The following FAM78A variants were observed in gnomAD, a reference collection of about 807,000 sequenced individuals.
FAM78A encodes the protein family with sequence similarity 78 member A.
Under a neutral mutation model 22.6 loss-of-function variants are expected in FAM78A, and 12 were observed. The observed-to-expected ratio is 0.53, with a 90% confidence interval of 0.34 to 0.86. FAM78A has a LOEUF of 0.86. FAM78A is among the 40% of genes least tolerant of loss of function. FAM78A has a pLI of 0.02. For missense variants in FAM78A, 322 were observed against 396.1 expected (o/e 0.81, Z 1.59); for synonymous variants, 151 against 155.8 (o/e 0.97, Z 0.23).
chr9:131,259,719 G>A lies in FAM78A; in HGVS notation c.*1103C>T, dbSNP rs922999112. The A allele has an allele frequency of 3.3e-5, 5 of 152,782 alleles. No homozygotes were observed. The highest frequency in any genetic ancestry group is 1.2e-4 in the African/African-American group (5 of 41,594). 9.5% of individuals were successfully genotyped at this position (152,782 alleles called of 1,614,324 possible). ...AGTCTTAAAATGCCCTGCAAGAAGG[G>A]ACGTGAATGCCTTCCTTACCTTTGA... On this transcript the variant is annotated 3_prime_UTR_variant, in exon 2 of 2. Coordinates refer to ENST00000372271, the MANE Select transcript of FAM78A (RefSeq NM_033387.4).
At position 131,276,352 on chromosome 9, in the gene FAM78A, C is replaced by T; in HGVS notation, c.-173G>A. 1.8e-6 allele frequency: 1 copy of T among 547,144 alleles called. No homozygotes were observed. Among genetic ancestry groups the T allele is most frequent in the East Asian group, 3.0e-5 (1 of 33,792 alleles). 33.9% of individuals were successfully genotyped at this position (547,144 alleles called of 1,614,324 possible). On this transcript the variant is annotated 5_prime_UTR_variant, in exon 1 of 2. Transcript: ENST00000372271. This position sits in a 1 kb window ranked among gnomAD's most constrained non-coding sequence, Gnocchi z 4.3. ...TGCTGCATTTCATGAGCCCTGGGCT[C>T]TCTCTTCTTCTCCTCGCAGTGGACA...
At chr9:131,266,242 G>A (rs57793559) in intron 1 of FAM78A, among the ~76,000 whole-genome samples, 56,985 of 151,902 alleles carry the variant, frequency 0.38, 11,413 homozygotes, top group East Asian at 0.71. Context: ...ACACAAATCC[G>A]ATGGCATGGC....
upstream of FAM78A, among the ~76,000 whole-genome samples, chr9:131,278,410 G>T (rs1835511542): frequency 6.6e-6 from 1 of 152,170 alleles, no homozygotes; most frequent in Non-Finnish European, 1.5e-5. Flanking sequence ...CAGCGCGGGG[G>T]CTTTGTAGGC....
chr9:131,276,150 A>G lies in FAM78A; in HGVS notation c.30T>C (p.Pro10=), dbSNP rs1564240176. Residue 10 remains proline, a synonymous_variant, in exon 1 of 2, where the codon CCT becomes CCC. Coordinates refer to ENST00000372271, the MANE Select transcript of FAM78A (RefSeq NM_033387.4). This position sits in a 1 kb window ranked among gnomAD's most constrained non-coding sequence, Gnocchi z 4.3. MPGFFCDCW[P]SLEIRALLYA... Reference sequence around the variant, plus strand: ...ACAGGAGCGCTCTGATCTCCAGGGAAGGCCAGCAGTCACAGAAAAAACCAG... The same window carrying G: ...ACAGGAGCGCTCTGATCTCCAGGGAGGGCCAGCAGTCACAGAAAAAACCAG... The G allele has an allele frequency of 6.2e-7, 1 of 1,612,866 alleles. No individual in the cohort carries two copies. Among genetic ancestry groups the G allele is most frequent in the East Asian group, 2.2e-5 (1 of 44,864 alleles).
At position 131,267,774 on chromosome 9, in the gene FAM78A, G is replaced by A. The variant is rs113367149; in HGVS notation, c.324-6424C>T. The stretch of plus-strand genomic sequence containing the variant: ...AGACTTGAGGCTCCAGGCCGGGCGC[G>A]GTGGCTCACGCCTGTAATCCCAGCA... On this transcript the variant is annotated intron_variant, in intron 1 of 1. Transcript: ENST00000372271. 6.7e-5 allele frequency among the ~76,000 whole-genome samples: 10 copies of A among 149,748 alleles called. 1 individual carries two copies. Among genetic ancestry groups the A allele is most frequent in the African/African-American group, 2.5e-5 (1 of 40,614 alleles).
In FAM78A at chr9:131,276,237, C is replaced by G; in HGVS notation, c.-58G>C. The stretch of plus-strand genomic sequence containing the variant: ...ACGGCGCTGCTCTCCAATCTCAACT[C>G]TCAAGACCGATATCCATAGGATAGA... On this transcript the variant is annotated 5_prime_UTR_variant, in exon 1 of 2. Transcript: ENST00000372271. This position sits in a 1 kb window ranked among gnomAD's most constrained non-coding sequence, Gnocchi z 4.3. The G allele has an allele frequency of 7.0e-7, 1 of 1,423,118 alleles. No homozygotes were observed. Among genetic ancestry groups the G allele is most frequent in the South Asian group, 1.3e-5 (1 of 77,820 alleles). 88.2% of individuals were successfully genotyped at this position (1,423,118 alleles called of 1,614,324 possible).
At chr9:131,267,360 C>A (rs989065296) in intron 1 of FAM78A, among the ~76,000 whole-genome samples, 4 of 152,122 alleles carry the variant, frequency 2.6e-5, no homozygotes, top group Non-Finnish European at 5.9e-5. Flanking sequence ...AAGAGACCCT[C>A]GCCTGTACGA....
chr9:131,264,578 A>T (rs771774445), intron 1 of FAM78A: 41 of 716,974 alleles, frequency 5.7e-5, no homozygotes, highest in Non-Finnish European at 1.0e-4. Context: ...ATGTACTGAT[A>T]CTCACTGCCT....
Position 131,276,251 on chromosome 9 carries a change from C to A in FAM78A, c.-72G>T. The A allele has an allele frequency of 7.6e-7, 1 of 1,319,238 alleles. No individual in the cohort carries two copies. The highest frequency in any genetic ancestry group is 1.4e-5 in the South Asian group (1 of 71,878). 81.7% of individuals were successfully genotyped at this position (1,319,238 alleles called of 1,614,324 possible). Reference sequence around the variant, plus strand: ...CAATCTCAACTCTCAAGACCGATATCCATAGGATAGAAAACTCACTGAGTA... The same window carrying A: ...CAATCTCAACTCTCAAGACCGATATACATAGGATAGAAAACTCACTGAGTA... On this transcript the variant is annotated 5_prime_UTR_variant, in exon 1 of 2. Coordinates refer to ENST00000372271, the MANE Select transcript of FAM78A (RefSeq NM_033387.4). This position sits in a 1 kb window ranked among gnomAD's most constrained non-coding sequence, Gnocchi z 4.3.
rs1056205422 is a variant in FAM78A, at chr9:131,275,472, G to A, written c.323+385C>T. Among the ~76,000 whole-genome samples the A allele has an allele frequency of 6.6e-6, 1 of 152,244 alleles. No individual in the cohort carries two copies. Among genetic ancestry groups the A allele is most frequent in the Non-Finnish European group, 1.5e-5 (1 of 68,040 alleles). ...TGCCATGGGCCCGCACAGGGCCAGAGGCCTGGAGGGCAGCCCTGCAGCCTC... is the reference window on the plus strand; with the variant it reads ...TGCCATGGGCCCGCACAGGGCCAGAAGCCTGGAGGGCAGCCCTGCAGCCTC... On this transcript the variant is annotated intron_variant, in intron 1 of 1. Transcript: ENST00000372271. The surrounding 1 kb of genome is among the most constrained non-coding windows in gnomAD (Gnocchi z 4.6).
At chr9:131,278,136 T>C (rs1406599220), upstream of FAM78A, among the ~76,000 whole-genome samples, 3 of 139,812 alleles carry the variant, frequency 2.1e-5, no homozygotes, top group Non-Finnish European at 3.1e-5. Flanking sequence ...GCCCTCCCCC[T>C]GGTAATCCCT....
intron 1 of FAM78A, among the ~76,000 whole-genome samples, chr9:131,268,219 C>T (rs1835369035): frequency 6.6e-6 from 1 of 152,150 alleles, no homozygotes; most frequent in Non-Finnish European, 1.5e-5. Context: ...ATAAAATTTG[C>T]AGAAAGTACT....
upstream of FAM78A, among the ~76,000 whole-genome samples, chr9:131,279,696 C>G (rs959347834): frequency 1.3e-5 from 2 of 152,206 alleles, no homozygotes; most frequent in Non-Finnish European, 2.9e-5. Context: ...TGACAGTGCC[C>G]CGCCCCCTCC....
At chr9:131,267,815 G>A (rs1404285825) in intron 1 of FAM78A, among the ~76,000 whole-genome samples, 1 of 151,122 alleles carries the variant, frequency 6.6e-6, no homozygotes, top group Non-Finnish European at 1.5e-5. Flanking sequence ...GGAGGCTGAG[G>A]CGGGCAGATC....
At chr9:131,280,969 C>A (rs548412934), upstream of FAM78A, among the ~76,000 whole-genome samples, 69 of 152,264 alleles carry the variant, frequency 4.5e-4, no homozygotes, top group African/African-American at 1.6e-3. Context: ...AACCAGGGGG[C>A]CTGGCTCTAA....
chr9:131,263,602 TA>T (rs750504740), intron 1 of FAM78A: 2,248 of 157,020 alleles, frequency 0.014, no homozygotes, highest in South Asian at 0.06. Context: ...GACCCTGTCT[TA>T]AAAAAAAAAA....
rs1835475699 is a variant in FAM78A at position 131,275,835 on chromosome 9, G to A, written c.323+22C>T. On this transcript the variant is annotated intron_variant, in intron 1 of 1. Coordinates refer to ENST00000372271, the MANE Select transcript of FAM78A (RefSeq NM_033387.4). This position sits in a 1 kb window ranked among gnomAD's most constrained non-coding sequence, Gnocchi z 4.6. ...TCGGCCATCCCTAGCAGTTCCCAGA[G>A]CTGGCTCTCGGCCGTACTCACATGC... 1 of 1,553,142 alleles carries A rather than the reference G, an allele frequency of 6.4e-7. No homozygotes were observed. Among genetic ancestry groups the A allele is most frequent in the African/African-American group, 1.4e-5 (1 of 73,610 alleles).
intron 1 of FAM78A, among the ~76,000 whole-genome samples, chr9:131,268,123 G>A (rs1016400667): frequency 2.6e-5 from 4 of 151,674 alleles, no homozygotes; most frequent in African/African-American, 9.7e-5. Context: ...CTCCCGCTCA[G>A]TCCTGGTTTC....
At chr9:131,278,944 T>C (rs1407701650), upstream of FAM78A, among the ~76,000 whole-genome samples, 1 of 152,238 alleles carries the variant, frequency 6.6e-6, no homozygotes, top group Non-Finnish European at 1.5e-5. Flanking sequence ...ACCGAGGGGC[T>C]GGCCACTCTT....
Sources: allele counts gnomAD v4.1 joint callset (sites outside exome capture counted in the v4.1 genomes callset), GRCh38; gene constraint gnomAD v4.1.1; non-coding constraint Gnocchi (gnomAD v3.1); transcripts MANE v1.5; gene names NCBI Gene and HGNC (gene_info 2026-07-23, HGNC 2026-07-21).